The following GABRG1 variants were observed in gnomAD, a reference collection of about 807,000 sequenced individuals.
GABRG1 encodes gamma-aminobutyric acid type A receptor subunit gamma1.
Under a neutral mutation model 49.8 loss-of-function variants are expected in GABRG1, and 49 were observed. That is an observed-to-expected ratio of 0.98 (90% CI 0.78 to 1.25). The LOEUF (loss-of-function observed/expected upper bound fraction) is 1.25. GABRG1 is among the 50% of genes most tolerant of loss of function. GABRG1 has a pLI of 0.00. For synonymous variants in GABRG1, 232 were observed against 185.1 expected (o/e 1.25, Z -2.06); for missense variants, 552 against 552.3 (o/e 1.00, Z 0.01).
intron 8 of GABRG1, among the ~76,000 whole-genome samples, chr4:46,042,837 G>T (rs1497569): frequency 7.2e-5 from 11 of 151,778 alleles, no homozygotes; most frequent in African/African-American, 2.7e-4. Context: ...TGCACCTTGA[G>T]GATAAGGAGA....
intron 1 of GABRG1, among the ~76,000 whole-genome samples, chr4:46,100,524 T>C (rs1365520101): frequency 6.6e-6 from 1 of 151,546 alleles, no homozygotes; most frequent in Non-Finnish European, 1.5e-5. Flanking sequence ...TGTGTGCTTC[T>C]GGAATGTTTT....
chr4:46,067,008 T>C (rs931663937), intron 3 of GABRG1, among the ~76,000 whole-genome samples: 2 of 151,858 alleles, frequency 1.3e-5, no homozygotes, highest in African/African-American at 4.8e-5. Context: ...GAGAGATTGA[T>C]TACTTGCACT....
At position 46,040,934 on chromosome 4, in the gene GABRG1, A is replaced by G; in HGVS notation, c.*54T>C. 1.3e-6 allele frequency: 2 copies of G among 1,526,552 alleles called. No individual in the cohort carries two copies. Among genetic ancestry groups the G allele is most frequent in the Non-Finnish European group, 1.8e-6 (2 of 1,127,586 alleles). The allele number at this position is 1,526,552 out of a possible 1,614,324, so 94.6% of individuals were successfully genotyped here. On this transcript the variant is annotated 3_prime_UTR_variant, in exon 9 of 9. Coordinates refer to ENST00000295452, the MANE Select transcript of GABRG1 (RefSeq NM_173536.4). ...AAACTTCAAGTTACTGAAGCACAAA[A>G]GATTCTACTGAATTTAGTCAGACTT... is the stretch of plus-strand genomic sequence containing the variant.
At chr4:46,093,850 T>A (rs974352947) in intron 2 of GABRG1, among the ~76,000 whole-genome samples, 2 of 152,022 alleles carry the variant, frequency 1.3e-5, no homozygotes, top group African/African-American at 4.8e-5. Flanking sequence ...TAAAAATTTT[T>A]AAAGGCTAAG....
chr4:46,042,358 G>A (rs1250738166), intron 8 of GABRG1, among the ~76,000 whole-genome samples: 1 of 151,938 alleles, frequency 6.6e-6, no homozygotes, highest in Non-Finnish European at 1.5e-5. Flanking sequence ...CCTTTAATAA[G>A]CTGGCAAGTA....
rs748831922 is a variant in GABRG1, at chr4:46,041,160, C to T, written c.1226G>A (p.Gly409Asp). 1.7e-5 allele frequency: 27 copies of T among 1,612,978 alleles called. No individual in the cohort carries two copies. The highest frequency in any genetic ancestry group is 2.3e-5 in the Non-Finnish European group (27 of 1,179,380). Reference protein sequence around the residue: ...EDDYGYQCLEGKDCASFFCCF... With the variant: ...EDDYGYQCLEDKDCASFFCCF... ...ACAGAAGAAGCTGGCACAATCTTTGCCCTCCAAACACTGATACCCATAATC... is the reference window on the plus strand; with the variant it reads ...ACAGAAGAAGCTGGCACAATCTTTGTCCTCCAAACACTGATACCCATAATC... Residue 409 changes from glycine to aspartate, a missense_variant, in exon 9 of 9, where the codon GGC (glycine) becomes GAC (aspartate). Coordinates refer to ENST00000295452, the MANE Select transcript of GABRG1 (RefSeq NM_173536.4).
At chr4:46,110,198 T>C (rs1259408648) in intron 1 of GABRG1, among the ~76,000 whole-genome samples, 1 of 151,242 alleles carries the variant, frequency 6.6e-6, no homozygotes. Context: ...GGTGCTCCAA[T>C]GTTGGGTGCA....
At chr4:46,084,512 A>C (rs1719683487) in intron 2 of GABRG1, among the ~76,000 whole-genome samples, 1 of 151,598 alleles carries the variant, frequency 6.6e-6, no homozygotes, top group Non-Finnish European at 1.5e-5. Flanking sequence ...GGCATTTTTC[A>C]ATCTGACAGA....
At chr4:46,065,786 A>C (rs1425820515) in intron 3 of GABRG1, among the ~76,000 whole-genome samples, 2 of 152,024 alleles carry the variant, frequency 1.3e-5, no homozygotes, top group Non-Finnish European at 2.9e-5. Context: ...GCAGTGATGC[A>C]ATCTCGGCTC....
At chr4:46,078,826 T>A (rs924756171) in intron 3 of GABRG1, among the ~76,000 whole-genome samples, 1 of 152,028 alleles carries the variant, frequency 6.6e-6, no homozygotes, top group Non-Finnish European at 1.5e-5. Context: ...AATTAAAAAA[T>A]TTTTTGAATT....
chr4:46,069,632 C>T (rs564471655), intron 3 of GABRG1, among the ~76,000 whole-genome samples: 2 of 152,090 alleles, frequency 1.3e-5, no homozygotes, highest in Admixed American at 6.6e-5. Context: ...CAGCTACTAA[C>T]CCTTTGTGCT....
At chr4:46,067,302 A>G (rs1718953706) in intron 3 of GABRG1, among the ~76,000 whole-genome samples, 1 of 152,144 alleles carries the variant, frequency 6.6e-6, no homozygotes, top group Admixed American at 6.6e-5. Flanking sequence ...ACAATTCTGG[A>G]AAAGCATATA....
chr4:46,064,355 C>A, intron 5 of GABRG1, 86 bp downstream of exon 5: 1 of 703,970 alleles, frequency 1.4e-6, no homozygotes, highest in Non-Finnish European at 2.4e-6. Context: ...TTTGAAAATC[C>A]TATTTTATTT....
intron 1 of GABRG1, among the ~76,000 whole-genome samples, chr4:46,107,629 G>C (rs1357359115): frequency 6.7e-6 from 1 of 149,436 alleles, no homozygotes; most frequent in Non-Finnish European, 1.5e-5. Context: ...ATATAATTTT[G>C]AATCATTAAA....
At chr4:46,046,189 AT>A (rs1286692502) in intron 8 of GABRG1, among the ~76,000 whole-genome samples, 1 of 152,024 alleles carries the variant, frequency 6.6e-6, no homozygotes, top group Non-Finnish European at 1.5e-5. Flanking sequence ...GTTAAAATTA[AT>A]TTTTTTAAAT....
intron 8 of GABRG1, among the ~76,000 whole-genome samples, chr4:46,049,795 A>G (rs1158661965): frequency 6.6e-6 from 1 of 151,918 alleles, no homozygotes. Context: ...ACTTTGGCTG[A>G]GTGTACATGA....
At chr4:46,118,354 A>T (rs1220717887) in intron 1 of GABRG1, among the ~76,000 whole-genome samples, 1 of 150,346 alleles carries the variant, frequency 6.7e-6, no homozygotes, top group Non-Finnish European at 1.5e-5. Context: ...CTGAGAACAT[A>T]CAATATTTTC....
chr4:46,083,919 A>T, intron 3 of GABRG1, 67 bp downstream of exon 3: 1 of 839,548 alleles, frequency 1.2e-6, no homozygotes, highest in African/African-American at 1.7e-5. Context: ...TCACATGCGA[A>T]TTCTATTTTG....
At chr4:46,079,248 C>T (rs1719473644) in intron 3 of GABRG1, among the ~76,000 whole-genome samples, 1 of 151,818 alleles carries the variant, frequency 6.6e-6, no homozygotes. Context: ...TAGTCCTCTC[C>T]AGCATGCACT....
Sources: allele counts gnomAD v4.1 joint callset (sites outside exome capture counted in the v4.1 genomes callset), GRCh38; gene constraint gnomAD v4.1.1; transcripts MANE v1.5; gene names NCBI Gene and HGNC (gene_info 2026-07-23, HGNC 2026-07-21).